The following PWP1 variants were observed in gnomAD, a reference collection of about 807,000 sequenced individuals.
PWP1 encodes PWP1 homolog, endonuclein.
Under a neutral mutation model 69.9 loss-of-function variants are expected in PWP1, and 47 were observed. The observed-to-expected ratio is 0.67, with a 90% CI of 0.53 to 0.86. The LOEUF is 0.86. Ranked by LOEUF, PWP1 falls within the 40% of genes least tolerant of loss-of-function variation. PWP1 has a pLI of 0.00. For synonymous variants in PWP1, 222 were observed against 208.2 expected, an observed-to-expected ratio of 1.07 and a Z score of -0.57; for missense variants, 551 against 608.8, an observed-to-expected ratio of 0.91 and a Z score of 1.00.
At chr12:107,702,641 AT>A (rs1272582015) in intron 8 of PWP1, among the ~76,000 whole-genome samples, 2 of 152,176 alleles carry the variant, frequency 1.3e-5, no homozygotes, top group Admixed American at 6.5e-5. Context: ...TTTGAAAGAG[AT>A]TGGTTGAATC....
chr12:107,702,766 C>T (rs758459336), intron 8 of PWP1, among the ~76,000 whole-genome samples, 169 bp from the exon 9 acceptor site: 5 of 152,122 alleles, frequency 3.3e-5, no homozygotes, highest in Non-Finnish European at 7.3e-5. Context: ...ACTCTTGTTT[C>T]CTTTCATAAT....
At chr12:107,686,063 G>A in intron 1 of PWP1, 92 bp downstream of exon 1, 2 of 1,416,414 alleles carry the variant, frequency 1.4e-6, no homozygotes, top group South Asian at 1.2e-5. Flanking sequence ...GGAACTCGGG[G>A]CGTTGGCTGG....
At chr12:107,702,768 T>C (rs961446990) in intron 8 of PWP1, among the ~76,000 whole-genome samples, 167 bp from the exon 9 acceptor site, 4 of 152,246 alleles carry the variant, frequency 2.6e-5, no homozygotes, top group African/African-American at 9.6e-5. Context: ...TCTTGTTTCC[T>C]TTCATAATCT....
chr12:107,694,632 GTTTAC>G (rs1314859547), intron 5 of PWP1, among the ~76,000 whole-genome samples: 7 of 152,186 alleles, frequency 4.6e-5, no homozygotes, highest in South Asian at 4.1e-4. Flanking sequence ...AAAACCATTT[GTTTAC>G]TTTGCTTTTA....
intron 11 of PWP1, among the ~76,000 whole-genome samples, chr12:107,706,195 T>G (rs1413314017): frequency 6.6e-6 from 1 of 152,246 alleles, no homozygotes; most frequent in East Asian, 1.9e-4. Flanking sequence ...ATAAATGTCT[T>G]CTTTTGAGAA....
At chr12:107,693,873 T>A (rs1444907677) in intron 5 of PWP1, among the ~76,000 whole-genome samples, 1 of 152,220 alleles carries the variant, frequency 6.6e-6, no homozygotes. Context: ...GTTTTTTAAA[T>A]AGAGTTATTT....
chr12:107,705,969 G>A (rs976215538), intron 11 of PWP1, among the ~76,000 whole-genome samples: 2 of 152,186 alleles, frequency 1.3e-5, no homozygotes, highest in African/African-American at 4.8e-5. Context: ...TTGAGGAATT[G>A]CCATACTGTC....
intron 3 of PWP1, among the ~76,000 whole-genome samples, chr12:107,689,611 T>A (rs1049320440): frequency 6.6e-6 from 1 of 152,154 alleles, no homozygotes; most frequent in Non-Finnish European, 1.5e-5. Flanking sequence ...CCAGGCGTGG[T>A]GGCGCACATC....
intron 3 of PWP1, among the ~76,000 whole-genome samples, chr12:107,691,109 T>C (rs890113624): frequency 2.0e-5 from 3 of 152,186 alleles, no homozygotes; most frequent in Non-Finnish European, 2.9e-5. Flanking sequence ...GTAGATAACA[T>C]TGTGGAGGCA....
chr12:107,693,152 G>T, intron 5 of PWP1, 56 bp downstream of exon 5: 1 of 1,547,500 alleles, frequency 6.5e-7, no homozygotes, highest in African/African-American at 1.4e-5. Flanking sequence ...AATAATAAGT[G>T]AAATAGTTAC....
chr12:107,692,751 T>C (rs1022458947), intron 3 of PWP1, 63 bp from the exon 4 acceptor site: 7 of 1,365,656 alleles, frequency 5.1e-6, no homozygotes, highest in African/African-American at 1.5e-5. Context: ...ATGGATGTCA[T>C]AGGAAATATG....
At position 107,709,113 on chromosome 12, in the gene PWP1, C is replaced by G; in HGVS notation, c.1171C>G (p.Leu391Val). ...TGTCTAAACTTATCTTCCTTTAGGT[C>G]TTGATCTTAGCAGTCAAATCAAGGG... ...LNAHNDEISG[L>V]DLSSQIKGCL... Residue 391 changes from leucine (L) to valine (V), a missense_variant and splice_region_variant, in exon 13 of 15, where the codon CTT becomes GTT. By Grantham distance (32) the Leu-to-Val change is conservative. Transcript: ENST00000412830. 1 of 1,613,932 alleles carries G rather than the reference C, an allele frequency of 6.2e-7. No homozygotes were observed. The highest frequency in any genetic ancestry group is 8.5e-7 in the Non-Finnish European group (1 of 1,179,918).
Position 107,685,918 on chromosome 12 carries a change from G to C in PWP1, c.19G>C (p.Val7Leu). The change falls in exon 1 of 15, where the codon GTG becomes CTG. Residue 7 changes from valine to leucine, a missense_variant. Val to Leu is a conservative substitution (Grantham distance 32, BLOSUM62 1). Transcript: ENST00000412830. ...GAGGACCATGAACCGCAGCCGCCAG[G>C]TGACGTGCGTGGCCTGGGTCCGCTG... Reference protein sequence around the residue: MNRSRQVTCVAWVRCGV... With the variant: MNRSRQLTCVAWVRCGV... The C allele has an allele frequency of 6.2e-7, 1 of 1,613,954 alleles. No individual in the cohort carries two copies. Among genetic ancestry groups the C allele is most frequent in the East Asian group, 2.2e-5 (1 of 44,872 alleles).
chr12:107,692,728 T>A (rs900605778), intron 3 of PWP1, 86 bp from the exon 4 acceptor site: 49 of 1,145,654 alleles, frequency 4.3e-5, no homozygotes, highest in Non-Finnish European at 5.4e-5. Flanking sequence ...GATGATTGCA[T>A]CTAAGTCCAA....
intron 11 of PWP1, among the ~76,000 whole-genome samples, chr12:107,705,963 G>A (rs1889815711): frequency 6.6e-6 from 1 of 152,202 alleles, no homozygotes; most frequent in Non-Finnish European, 1.5e-5. Flanking sequence ...AGATCCTTGA[G>A]GAATTGCCAT....
intron 12 of PWP1, 42 bp from the exon 13 acceptor site, chr12:107,709,067 ATC>A: frequency 6.2e-7 from 1 of 1,613,670 alleles, no homozygotes; most frequent in Non-Finnish European, 8.5e-7. Context: ...GATGAAGTAA[ATC>A]TGTATTTCAA....
At position 107,709,198 on chromosome 12, in the gene PWP1, G is replaced by T; in HGVS notation, c.1256G>T (p.Arg419Met). The change falls in exon 13 of 15, where the codon AGG (arginine) becomes ATG (methionine). Residue 419 changes from arginine to methionine, a missense_variant. Transcript: ENST00000412830. The part of the protein sequence containing the change: ...YVKIWDILGD[R>M]PSLVHSRDMK... ...AAGATCTGGGACATCTTAGGAGATA[G>T]GCCAAGTCTAGTTCATTCTAGGGAC... 1 of 1,613,872 alleles carries T rather than the reference G, an allele frequency of 6.2e-7. No individual in the cohort carries two copies. Among genetic ancestry groups the T allele is most frequent in the Non-Finnish European group, 8.5e-7 (1 of 1,179,842 alleles).
chr12:107,709,352 G>A, intron 13 of PWP1, 120 bp downstream of exon 13: 3 of 1,295,644 alleles, frequency 2.3e-6, no homozygotes, highest in Non-Finnish European at 3.2e-6. Flanking sequence ...TGGATGTGTT[G>A]GGGAAGTGAA....
chr12:107,686,229 A>G (rs958865503), intron 1 of PWP1: 12 of 560,370 alleles, frequency 2.1e-5, no homozygotes, highest in Non-Finnish European at 3.9e-5. Context: ...TCGCACGCAC[A>G]TGGACTTAGC....
Sources: gnomAD v4.1 joint callset for allele counts (sites outside exome capture counted in the v4.1 genomes callset) on GRCh38, gnomAD v4.1.1 for gene constraint, MANE v1.5 for transcripts, NCBI Gene and HGNC (gene_info 2026-07-23, HGNC 2026-07-21) for gene names.